The following GRAMD2B variants were observed in gnomAD, a reference collection of about 807,000 sequenced individuals.
GRAMD2B encodes GRAM domain-containing protein 2B.
Under a neutral mutation model 59.2 loss-of-function variants are expected in GRAMD2B, and 41 were observed. The observed-to-expected ratio is 0.69, with a 90% CI of 0.54 to 0.90. The LOEUF is 0.90. Ranked by LOEUF, GRAMD2B falls within the 40% of genes least tolerant of loss-of-function variation. GRAMD2B has a pLI of 0.00. For synonymous variants in GRAMD2B, 161 were observed against 182.7 expected, an observed-to-expected ratio of 0.88 and a Z score of 0.96; for missense variants, 424 against 500.5, an observed-to-expected ratio of 0.85 and a Z score of 1.46.
In GRAMD2B at chr5:126,481,044, G is replaced by A. The variant is rs550765538; in HGVS notation, c.735+337G>A. 15 of 303,386 alleles carry A rather than the reference G, an allele frequency of 4.9e-5. No homozygotes were observed. The East Asian group carries it at 1.1e-3, about 21-fold the overall frequency. The allele number at this position is 303,386 out of a possible 1,614,324, so 18.8% of individuals were successfully genotyped here. A position where few individuals can be genotyped will look rare whatever the true frequency, so the allele number is the denominator to read the frequency against. ...TCACAAATCTATTTGAGGTAGGACT[G>A]AATCATCCCACAAATCCTTAAATGT... On this transcript the variant is annotated intron_variant, in intron 8 of 13. Transcript: ENST00000285689.
chr5:126,439,219 T>A (rs1372360517), intron 1 of GRAMD2B, among the ~76,000 whole-genome samples: 1 of 152,114 alleles, frequency 6.6e-6, no homozygotes, highest in Non-Finnish European at 1.5e-5. Context: ...GGATCAAAAG[T>A]AACCTGCAAG....
chr5:126,372,504 T>G (rs564088358), intron 1 of GRAMD2B, among the ~76,000 whole-genome samples: 6 of 152,286 alleles, frequency 3.9e-5, no homozygotes, highest in African/African-American at 1.2e-4. Flanking sequence ...AAGTTCTATT[T>G]TATTTAATTG....
chr5:126,381,156 A>G (rs2897983), intron 1 of GRAMD2B, among the ~76,000 whole-genome samples: 132,523 of 152,164 alleles, frequency 0.87, 58,907 homozygotes, highest in East Asian at 0.99. Context: ...TATGGAGATG[A>G]TCATGTGATT....
intron 1 of GRAMD2B, among the ~76,000 whole-genome samples, chr5:126,399,042 G>A (rs1434800322): frequency 6.6e-6 from 1 of 152,138 alleles, no homozygotes; most frequent in Non-Finnish European, 1.5e-5. Flanking sequence ...AATATTCCAT[G>A]TGCACTTGTG....
chr5:126,395,139 GT>G (rs1757252435), intron 1 of GRAMD2B, among the ~76,000 whole-genome samples: 1 of 151,918 alleles, frequency 6.6e-6, no homozygotes, highest in Non-Finnish European at 1.5e-5. Context: ...GAATAATAAT[GT>G]TTTATAATTA....
intron 1 of GRAMD2B, among the ~76,000 whole-genome samples, chr5:126,437,341 G>T (rs917088388): frequency 1.3e-5 from 2 of 152,202 alleles, no homozygotes; most frequent in Non-Finnish European, 2.9e-5. Context: ...AAGCCAGAAT[G>T]ACTTAGTTTT....
chr5:126,483,585 T>A lies in GRAMD2B; in HGVS notation c.847+11T>A. ...CTGAGAACTCTCGAGGTTTGGGAAA[T>A]TGTTGTATTTTGACTAAAATTTAAT... On this transcript the variant is annotated intron_variant, in intron 9 of 13. Transcript: ENST00000285689. 6.8e-7 allele frequency: 1 copy of A among 1,460,070 alleles called. No homozygotes were observed. Among genetic ancestry groups the A allele is most frequent in the South Asian group, 1.1e-5 (1 of 86,968 alleles). The allele number at this position is 1,460,070 out of a possible 1,614,324, so 90.4% of individuals were successfully genotyped here.
At chr5:126,420,054 C>CAAAAAAAAAAAA (rs386404926), upstream of GRAMD2B, among the ~76,000 whole-genome samples, 1 of 103,656 alleles carries the variant, frequency 9.6e-6, no homozygotes, top group East Asian at 2.7e-4. Flanking sequence ...GACTCTTTCT[C>CAAAAAAAAAAAA]AAAAAAAAAA....
intron 1 of GRAMD2B, among the ~76,000 whole-genome samples, chr5:126,446,526 A>T (rs1764261350): frequency 6.6e-6 from 1 of 151,900 alleles, no homozygotes; most frequent in Non-Finnish European, 1.5e-5. Context: ...AGTAACCGTG[A>T]CTGATTTTAA....
intron 1 of GRAMD2B, among the ~76,000 whole-genome samples, chr5:126,463,413 A>C (rs1465792486): frequency 1.3e-5 from 2 of 152,212 alleles, no homozygotes; most frequent in Admixed American, 6.5e-5. Context: ...GAAGCGAAAA[A>C]AGGCAGAGAT....
chr5:126,382,893 T>G lies in GRAMD2B; in HGVS notation c.125+11326T>G, dbSNP rs193218930. Among the ~76,000 whole-genome samples, 4 of 152,304 alleles carry G rather than the reference T, an allele frequency of 2.6e-5. No homozygotes were observed. In the East Asian group the frequency reaches 7.7e-4, roughly 29 times the overall value. On this transcript the variant is annotated intron_variant, in intron 1 of 8. Transcript: ENST00000506445. ...TTTGTCCCACAGGGCGATTCCTTGA[T>G]GTAGTACTCTCCCCCTTCCCCTAGG...
intron 1 of GRAMD2B, among the ~76,000 whole-genome samples, chr5:126,412,753 T>C (rs1249030820): frequency 6.6e-6 from 1 of 152,068 alleles, no homozygotes; most frequent in Admixed American, 6.6e-5. Context: ...CTTTCTCTGA[T>C]TGGTAGGTTT....
At chr5:126,367,133 A>G (rs1208797545), upstream of GRAMD2B, among the ~76,000 whole-genome samples, 2 of 152,128 alleles carry the variant, frequency 1.3e-5, no homozygotes, top group Non-Finnish European at 2.9e-5. Flanking sequence ...CTGGGATTAC[A>G]GGCGTGAGGC....
At chr5:126,457,794 G>A (rs181069012) in intron 1 of GRAMD2B, among the ~76,000 whole-genome samples, 1 of 152,112 alleles carries the variant, frequency 6.6e-6, no homozygotes, top group African/African-American at 2.4e-5. Context: ...CTAGGGTGAG[G>A]GAAGGAGAAG....
At position 126,480,515 on chromosome 5, in the gene GRAMD2B, T is replaced by C; in HGVS notation, c.642T>C (p.Cys214=). The C allele has an allele frequency of 6.2e-7, 1 of 1,613,150 alleles. No homozygotes were observed. The highest frequency in any genetic ancestry group is 8.5e-7 in the Non-Finnish European group (1 of 1,179,058). Residue 214 remains cysteine, a synonymous_variant, in exon 7 of 14, where the codon TGT becomes TGC. Coordinates refer to ENST00000285689, the MANE Select transcript of GRAMD2B (RefSeq NM_023927.4). ...DSTYKLLKSV[C]GHLENTSVGN... ...CTTACAAACTACTAAAATCTGTGTGTGGACACTTAGAAGTGAGTATGATGT... is the reference window on the plus strand; with the variant it reads ...CTTACAAACTACTAAAATCTGTGTGCGGACACTTAGAAGTGAGTATGATGT...
At chr5:126,452,900 C>G (rs544311121) in intron 1 of GRAMD2B, among the ~76,000 whole-genome samples, 4 of 152,206 alleles carry the variant, frequency 2.6e-5, no homozygotes, top group Non-Finnish European at 5.9e-5. Flanking sequence ...ATGCCCTATT[C>G]TTTTGCATTT....
chr5:126,480,725 C>G lies in GRAMD2B; in HGVS notation c.735+18C>G. On this transcript the variant is annotated intron_variant, in intron 8 of 13. Transcript: ENST00000285689. ...TGCCTCTGGTAAGTTGCCCACATAACTATCTAAATGCAAAAGAAAGGGAAT... is the reference window on the plus strand; with the variant it reads ...TGCCTCTGGTAAGTTGCCCACATAAGTATCTAAATGCAAAAGAAAGGGAAT... 2 of 1,600,620 alleles carry G rather than the reference C, an allele frequency of 1.2e-6. No homozygotes were observed. Among genetic ancestry groups the G allele is most frequent in the Non-Finnish European group, 1.7e-6 (2 of 1,167,768 alleles).
At chr5:126,478,507 C>T (rs1401471735) in intron 6 of GRAMD2B, among the ~76,000 whole-genome samples, 1 of 151,926 alleles carries the variant, frequency 6.6e-6, no homozygotes, top group Non-Finnish European at 1.5e-5. Flanking sequence ...TTGGGAGGCC[C>T]AAATGGGCAG....
Position 126,483,549 on chromosome 5 carries a change from A to G in GRAMD2B, c.822A>G (p.Gln274=), listed in dbSNP as rs765644905. The G allele has an allele frequency of 6.2e-7, 1 of 1,609,252 alleles. No individual in the cohort carries two copies. The part of the protein sequence containing the change: ...DMEGYSSSGS[Q]TPESENSRDF... Reference sequence around the variant, plus strand: ...AAGGATATAGCAGTTCTGGTTCTCAAACTCCTGAATCTGAGAACTCTCGAG... The same window carrying G: ...AAGGATATAGCAGTTCTGGTTCTCAGACTCCTGAATCTGAGAACTCTCGAG... The change falls in exon 9 of 14, where the codon CAA becomes CAG. Residue 274 remains glutamine, a synonymous_variant. Transcript: ENST00000285689.
Sources: allele counts gnomAD v4.1 joint callset (sites outside exome capture counted in the v4.1 genomes callset), GRCh38; gene constraint gnomAD v4.1.1; transcripts MANE v1.5; gene names NCBI Gene and HGNC (gene_info 2026-07-23, HGNC 2026-07-21).